KCNN2: variants seen among roughly 807,000 people sequenced by gnomAD.
KCNN2 encodes potassium calcium-activated channel subfamily N member 2.
KCNN2 carries 24 observed loss-of-function variants against 55.5 expected under a neutral mutation model. The observed-to-expected ratio is 0.43, with a 90% CI of 0.31 to 0.61. The LOEUF is 0.61. Among genes scored for constraint, KCNN2 ranks in the 20% least tolerant of loss-of-function variants. The pLI is 0.08. For missense variants in KCNN2, 754 were observed against 853.6 expected (o/e 0.88, Z 1.45); for synonymous variants, 431 against 336.1 (o/e 1.28, Z -3.09).
chr5:114,127,847 A>AGGG (rs1751970837), intron 1 of KCNN2, among the ~76,000 whole-genome samples: 3 of 152,208 alleles, frequency 2.0e-5, no homozygotes, highest in Non-Finnish European at 4.4e-5. Flanking sequence ...TCAAAGTTCC[A>AGGG]CAGATCTTTA....
upstream of KCNN2, chr5:114,056,009 G>T: frequency 4.7e-6 from 1 of 211,250 alleles, no homozygotes; most frequent in Non-Finnish European, 9.4e-6. Context: ...CTGAGCATTC[G>T]GGCCCCCGCC....
At chr5:114,371,111 A>T (rs947043228) in intron 2 of KCNN2, among the ~76,000 whole-genome samples, 3 of 152,152 alleles carry the variant, frequency 2.0e-5, no homozygotes, top group African/African-American at 7.2e-5. Flanking sequence ...TACAAAGATG[A>T]TTGATGGGGT....
intron 2 of KCNN2, among the ~76,000 whole-genome samples, chr5:114,258,981 C>T (rs1055986095): frequency 3.3e-5 from 5 of 152,136 alleles, no homozygotes; most frequent in Non-Finnish European, 7.3e-5. Flanking sequence ...CTAGAAAAGC[C>T]ATCCTCCAGC....
chr5:114,309,425 A>C (rs1344848180), intron 2 of KCNN2, among the ~76,000 whole-genome samples: 1 of 152,206 alleles, frequency 6.6e-6, no homozygotes, highest in East Asian at 1.9e-4. Context: ...GTAAGAAACC[A>C]GCATGTAAAT....
intron 1 of KCNN2, among the ~76,000 whole-genome samples, chr5:114,097,594 T>G (rs560333932): frequency 6.6e-6 from 1 of 152,332 alleles, no homozygotes; most frequent in South Asian, 2.1e-4. Context: ...CCTGCCGCTA[T>G]TGAAGGTAGC....
intron 3 of KCNN2, among the ~76,000 whole-genome samples, chr5:114,450,692 C>G (rs1403061649): frequency 1.3e-5 from 2 of 152,144 alleles, no homozygotes; most frequent in Non-Finnish European, 2.9e-5. Context: ...CCCTGAAACT[C>G]TAGGCCAGTG....
chr5:114,205,497 A>G (rs1753750498), intron 1 of KCNN2, among the ~76,000 whole-genome samples: 1 of 152,214 alleles, frequency 6.6e-6, no homozygotes, highest in Non-Finnish European at 1.5e-5. Context: ...ATAACCTATA[A>G]AACAGAATAG....
At chr5:114,150,128 C>G (rs1752491305) in intron 1 of KCNN2, among the ~76,000 whole-genome samples, 2 of 152,314 alleles carry the variant, frequency 1.3e-5, no homozygotes, top group Middle Eastern at 3.4e-3. Context: ...TCCAACCTGG[C>G]ATTGACTTTA....
At chr5:114,375,148 A>G (rs976525471) in intron 2 of KCNN2, among the ~76,000 whole-genome samples, 2 of 152,084 alleles carry the variant, frequency 1.3e-5, no homozygotes, top group African/African-American at 2.4e-5. Context: ...CATGGGTGCT[A>G]TTTCATGAAC....
intron 2 of KCNN2, among the ~76,000 whole-genome samples, chr5:114,278,449 C>G (rs1014133146): frequency 6.6e-6 from 1 of 152,354 alleles, no homozygotes; most frequent in East Asian, 1.9e-4. Context: ...TATGCCCTGC[C>G]GCCAGAGGTT....
chr5:114,303,880 AT>A (rs1156560507), intron 2 of KCNN2, among the ~76,000 whole-genome samples: 1 of 152,164 alleles, frequency 6.6e-6, no homozygotes, highest in Non-Finnish European at 1.5e-5. Flanking sequence ...AGGATGATAT[AT>A]TTCTGACATA....
intron 2 of KCNN2, among the ~76,000 whole-genome samples, chr5:114,368,962 A>T (rs1757685629): frequency 6.6e-6 from 1 of 151,950 alleles, no homozygotes; most frequent in Non-Finnish European, 1.5e-5. Context: ...GGCAAATTGG[A>T]GTTTTCTAAG....
chr5:114,098,814 A>C (rs576368410), intron 1 of KCNN2, among the ~76,000 whole-genome samples: 13 of 152,114 alleles, frequency 8.5e-5, no homozygotes, highest in Admixed American at 3.3e-4. Context: ...TATTTGTATA[A>C]ATTTATGGGG....
intron 1 of KCNN2, among the ~76,000 whole-genome samples, chr5:114,191,891 C>T (rs1372100164): frequency 6.6e-6 from 1 of 152,124 alleles, no homozygotes. Context: ...CTTAGGAAGT[C>T]CAGGCTGAGA....
chr5:114,083,901 A>G (rs1254557570), intron 1 of KCNN2, among the ~76,000 whole-genome samples: 1 of 152,012 alleles, frequency 6.6e-6, no homozygotes, highest in African/African-American at 2.4e-5. Flanking sequence ...TCTCTGTAGT[A>G]CTGCTGTTTT....
chr5:114,428,223 ACT>A (rs1349650171), intron 3 of KCNN2, among the ~76,000 whole-genome samples: 2 of 152,036 alleles, frequency 1.3e-5, no homozygotes, highest in African/African-American at 4.8e-5. Flanking sequence ...TTTTCATTTC[ACT>A]CTCTGTTTTA....
rs371148524 is a variant in KCNN2 at position 114,395,594 on chromosome 5, A to T, written c.1219-8844A>T. ...CATATATATTGTTAAGATTATATGG[A>T]CTGTAATGAGAATAGTTCTACGGTT... On this transcript the variant is annotated intron_variant, in intron 2 of 7. Coordinates refer to ENST00000673685, the MANE Select transcript of KCNN2 (RefSeq NM_021614.4). Among the ~76,000 whole-genome samples, 8 of 152,326 alleles carry T rather than the reference A, an allele frequency of 5.3e-5. No homozygotes were observed. In the East Asian group the frequency reaches 1.5e-3, roughly 29 times the overall value.
intron 5 of KCNN2, among the ~76,000 whole-genome samples, chr5:114,485,276 C>G (rs1464421528): frequency 6.6e-6 from 1 of 152,090 alleles, no homozygotes; most frequent in Non-Finnish European, 1.5e-5. Flanking sequence ...CTGGTAAAAT[C>G]AGAGAGAGAG....
chr5:114,277,119 A>G (rs1218184458), intron 2 of KCNN2, among the ~76,000 whole-genome samples: 2 of 152,114 alleles, frequency 1.3e-5, no homozygotes, highest in African/African-American at 4.8e-5. Context: ...TGGATATGAA[A>G]TTCTGGGTTG....
Sources: allele counts gnomAD v4.1 joint callset (sites outside exome capture counted in the v4.1 genomes callset), GRCh38; gene constraint gnomAD v4.1.1; transcripts MANE v1.5; gene names NCBI Gene and HGNC (gene_info 2026-07-23, HGNC 2026-07-21).